NAV2: variants seen among roughly 807,000 people sequenced by gnomAD.
The protein encoded by NAV2 is helicase, APC down-regulated 1.
A neutral mutation model predicts 223.2 loss-of-function variants in NAV2; 54 were observed. The ratio of observed to expected loss-of-function variants is 0.24; its 90% CI spans 0.19 to 0.30. The LOEUF (loss-of-function observed/expected upper bound fraction) is 0.30. Ranked by LOEUF, NAV2 falls within the 10% of genes least tolerant of loss-of-function variation. The pLI is 1.00. For missense variants in NAV2, 2,806 were observed against 3,147.5 expected (o/e 0.89, Z 2.60); for synonymous variants, 1,279 against 1,239.3 (o/e 1.03, Z -0.67).
intron 26 of NAV2, 25 bp downstream of exon 26, chr11:20,083,204 A>G: frequency 6.3e-7 from 1 of 1,594,242 alleles, no homozygotes; most frequent in African/African-American, 1.3e-5. Flanking sequence ...CTAGTCAGAT[A>G]ACATCTTTGG....
chr11:19,889,751 T>G (rs1346904828), intron 5 of NAV2, among the ~76,000 whole-genome samples: 2 of 152,176 alleles, frequency 1.3e-5, no homozygotes, highest in Non-Finnish European at 2.9e-5. Flanking sequence ...GATGTTTCAT[T>G]CCAGAGAGTG....
chr11:19,766,985 C>T (rs1470316125), intron 1 of NAV2, among the ~76,000 whole-genome samples: 1 of 152,172 alleles, frequency 6.6e-6, no homozygotes, highest in Non-Finnish European at 1.5e-5. Context: ...TGAGTTTTGG[C>T]TCATAGTCAG....
At position 19,933,638 on chromosome 11, in the gene NAV2, G is replaced by A; in HGVS notation, c.1394G>A (p.Gly465Asp). Residue 465 changes from glycine to aspartate, a missense_variant, in exon 7 of 38, where the codon GGC (glycine) becomes GAC (aspartate). By Grantham distance (94) the Gly-to-Asp change is moderately conservative (BLOSUM62 -1). Coordinates refer to ENST00000349880, the MANE Select transcript of NAV2 (RefSeq NM_145117.5). This position sits in a 1 kb window ranked among gnomAD's most constrained non-coding sequence, Gnocchi z 4.3. ...AGCAGCCCCAAGATTGCACTCAAGG[G>A]CATTGCCCAGAGGACTTTTAGCCGG... Reference protein sequence around the residue: ...ASSSPKIALKGIAQRTFSRAL... With the variant: ...ASSSPKIALKDIAQRTFSRAL... 6.2e-7 allele frequency: 1 copy of A among 1,614,200 alleles called. No individual in the cohort carries two copies. Among genetic ancestry groups the A allele is most frequent in the Non-Finnish European group, 8.5e-7 (1 of 1,180,044 alleles).
intron 1 of NAV2, chr11:19,503,456 A>G (rs1213082500): frequency 6.6e-6 from 1 of 152,120 alleles, no homozygotes; most frequent in East Asian, 1.9e-4. Flanking sequence ...CTGCTTATTC[A>G]TCTCTCCCGC....
intron 1 of NAV2, among the ~76,000 whole-genome samples, chr11:19,489,586 G>C (rs181867041): frequency 4.9e-4 from 75 of 152,292 alleles, no homozygotes; most frequent in African/African-American, 1.8e-3. Context: ...CAACAGCTTG[G>C]ATGTCAGAAG....
intron 1 of NAV2, among the ~76,000 whole-genome samples, chr11:19,744,431 C>T (rs2053156407): frequency 6.6e-6 from 1 of 152,124 alleles, no homozygotes; most frequent in Non-Finnish European, 1.5e-5. Flanking sequence ...ATGTGGGGCC[C>T]ATTTAGAGAG....
intron 1 of NAV2, among the ~76,000 whole-genome samples, chr11:19,400,647 A>AAGAATT (rs1849643796): frequency 6.6e-6 from 1 of 152,204 alleles, no homozygotes; most frequent in African/African-American, 2.4e-5. Context: ...ATTAGAAGGT[A>AAGAATT]AGAATTAGAA....
At chr11:19,665,435 T>G (rs1456277160) in intron 1 of NAV2, among the ~76,000 whole-genome samples, 2 of 152,208 alleles carry the variant, frequency 1.3e-5, no homozygotes, top group Non-Finnish European at 2.9e-5. Context: ...TGACAGCTCA[T>G]GAGCCTCTCC....
At chr11:19,877,901 G>T (rs1324316008) in intron 4 of NAV2, among the ~76,000 whole-genome samples, 1 of 152,104 alleles carries the variant, frequency 6.6e-6, no homozygotes, top group Non-Finnish European at 1.5e-5. Flanking sequence ...TTTCATCCAA[G>T]CCTCACACTC....
At chr11:19,358,378 A>G (rs1193646342) in intron 1 of NAV2, among the ~76,000 whole-genome samples, 1 of 152,200 alleles carries the variant, frequency 6.6e-6, no homozygotes, top group Admixed American at 6.5e-5. Flanking sequence ...GATTCCTGAC[A>G]TGGGAATTGG....
intron 1 of NAV2, among the ~76,000 whole-genome samples, chr11:19,697,456 A>G (rs1429615109): frequency 6.6e-6 from 1 of 152,120 alleles, no homozygotes; most frequent in African/African-American, 2.4e-5. Context: ...AAAAAAAGGA[A>G]CTGTCCTGCC....
intron 1 of NAV2, among the ~76,000 whole-genome samples, chr11:19,417,334 A>C (rs1850414852): frequency 6.6e-6 from 1 of 152,242 alleles, no homozygotes; most frequent in Non-Finnish European, 1.5e-5. Context: ...GCCAAAAAAC[A>C]CATGGAAAAA....
chr11:19,395,194 C>A lies in NAV2; in HGVS notation c.75+44167C>A, dbSNP rs563657427. On this transcript the variant is annotated intron_variant, in intron 1 of 37. Transcript: ENST00000360655. ...GTGCACGTGTGAGGCCATGGCTACA[C>A]CTGAGTGGGCGCATGCTGTGCGTGT... Among the ~76,000 whole-genome samples, 10 of 152,352 alleles carry A rather than the reference C, an allele frequency of 6.6e-5. No individual in the cohort carries two copies. The East Asian group carries it at 1.9e-3, about 29-fold the overall frequency.
At chr11:19,358,159 A>C (rs544038343) in intron 1 of NAV2, among the ~76,000 whole-genome samples, 10 of 152,254 alleles carry the variant, frequency 6.6e-5, no homozygotes, top group African/African-American at 1.7e-4. Flanking sequence ...CATTGGTATA[A>C]TTAGAAAGAG....
intron 32 of NAV2, among the ~76,000 whole-genome samples, chr11:20,102,499 C>G (rs774557703): frequency 6.6e-6 from 1 of 152,082 alleles, no homozygotes; most frequent in Non-Finnish European, 1.5e-5. Flanking sequence ...GTAAAATGGA[C>G]GTAATCATAG....
chr11:19,989,688 G>T (rs1294211557), intron 11 of NAV2, among the ~76,000 whole-genome samples: 1 of 152,108 alleles, frequency 6.6e-6, no homozygotes, highest in South Asian at 2.1e-4. Flanking sequence ...CAAGCACCTT[G>T]CAAATATTAT....
chr11:19,505,405 T>A (rs2043092938), intron 1 of NAV2: 1 of 152,136 alleles, frequency 6.6e-6, no homozygotes, highest in Non-Finnish European at 1.5e-5. Flanking sequence ...ACTGCATATG[T>A]GGTTTTGGAG....
chr11:19,670,761 C>A (rs191653713), intron 1 of NAV2, among the ~76,000 whole-genome samples: 7 of 152,352 alleles, frequency 4.6e-5, no homozygotes, highest in Admixed American at 4.6e-4. Flanking sequence ...GATGCTGCAG[C>A]TTGCGGGCAC....
intron 35 of NAV2, chr11:20,107,178 C>T (rs7931764): frequency 0.053 from 7,647 of 144,662 alleles, 559 homozygotes; most frequent in African/African-American, 0.17. Flanking sequence ...CCCAGGTTCA[C>T]GCCATTCTCC....
Sources: allele counts gnomAD v4.1 joint callset (sites outside exome capture counted in the v4.1 genomes callset), GRCh38; gene constraint gnomAD v4.1.1; non-coding constraint Gnocchi (gnomAD v3.1); transcripts MANE v1.5; gene names NCBI Gene and HGNC (gene_info 2026-07-23, HGNC 2026-07-21).